The following FAHD2A variants were observed in gnomAD, a reference collection of about 807,000 sequenced individuals.
FAHD2A encodes the protein oxaloacetate tautomerase FAHD2A, mitochondrial.
Under a neutral mutation model 33.4 loss-of-function variants are expected in FAHD2A, and 27 were observed. That is an observed-to-expected ratio of 0.81 (90% CI 0.60 to 1.11). FAHD2A has a LOEUF of 1.11. Ranked by LOEUF, FAHD2A falls within the 50% of genes most tolerant of loss-of-function variation. The probability of loss-of-function intolerance (pLI) is 0.00; values close to 1 mark genes in which losing one functional copy is unlikely to be tolerated. For missense variants in FAHD2A, 296 were observed against 395.0 expected, an observed-to-expected ratio of 0.75 and a Z score of 2.12; for synonymous variants, 130 against 153.3, an observed-to-expected ratio of 0.85 and a Z score of 1.12.
Position 95,414,056 on chromosome 2 carries a change from C to T in FAHD2A, c.*1099C>T, listed in dbSNP as rs879792017. ...AAGTGAAGGCTCTAGGTAGGGAGGA[C>T]AGGGAGACACTGGGCACAGGCTTCT... On this transcript the variant is annotated 3_prime_UTR_variant, in exon 8 of 8. Coordinates refer to ENST00000233379, the MANE Select transcript of FAHD2A (RefSeq NM_016044.3). 1.6e-5 allele frequency: 23 copies of T among 1,419,940 alleles called. No homozygotes were observed. The highest frequency in any genetic ancestry group is 2.3e-5 in the Non-Finnish European group (23 of 1,006,426). The allele number at this position is 1,419,940 out of a possible 1,614,324, so 88.0% of individuals were successfully genotyped here.
chr2:95,408,699 C>T (rs1478298733), intron 3 of FAHD2A, among the ~76,000 whole-genome samples: 2 of 152,178 alleles, frequency 1.3e-5, no homozygotes, highest in Non-Finnish European at 2.9e-5. Flanking sequence ...GGGTCCGTCC[C>T]ATAGCACGTT....
chr2:95,405,430 G>C lies in FAHD2A; in HGVS notation c.-6-123G>C, dbSNP rs551944521. ...AAAATACAAGCCTGGACCACTTCCC[G>C]TGTGGTATGCAGGGAACGGTTGATG... On this transcript the variant is annotated intron_variant, in intron 1 of 7. Coordinates refer to ENST00000233379, the MANE Select transcript of FAHD2A (RefSeq NM_016044.3). 7 of 1,417,712 alleles carry C rather than the reference G, an allele frequency of 4.9e-6. No homozygotes were observed. In the East Asian group the frequency reaches 1.2e-4, roughly 23 times the overall value. 87.8% of individuals were successfully genotyped at this position (1,417,712 alleles called of 1,614,324 possible).
intron 5 of FAHD2A, 88 bp downstream of exon 5, chr2:95,411,114 C>T: frequency 1.3e-6 from 2 of 1,555,950 alleles, no homozygotes; most frequent in Non-Finnish European, 1.7e-6. Context: ...GTACATGTGG[C>T]ACCTGCCCTC....
At chr2:95,416,686 A>G (rs1226119095), downstream of FAHD2A, 1 of 152,252 alleles carries the variant, frequency 6.6e-6, no homozygotes, top group African/African-American at 2.4e-5. Flanking sequence ...ACCCAATAAA[A>G]GCTGTTGAAA....
In FAHD2A at chr2:95,413,148, TTGTC is replaced by T. The variant is rs1682808730; in HGVS notation, c.*193_*196del. On this transcript the variant is annotated 3_prime_UTR_variant, in exon 8 of 8. Coordinates refer to ENST00000233379, the MANE Select transcript of FAHD2A (RefSeq NM_016044.3). ...AAAGCAGCAGCTTTGCTTCTGCTGT[TTGTC>T]TTCTTTTGGGCTTTGTTTCATGGGA... The T allele has an allele frequency of 9.3e-7, 1 of 1,079,970 alleles. No individual in the cohort carries two copies. The highest frequency in any genetic ancestry group is 1.3e-6 in the Non-Finnish European group (1 of 761,094). The allele number at this position is 1,079,970 out of a possible 1,614,324, so 66.9% of individuals were successfully genotyped here. A position where few individuals can be genotyped will look rare whatever the true frequency, so the allele number is the denominator to read the frequency against.
rs1683094690 is a variant in FAHD2A at position 95,415,732 on chromosome 2, A to G, written c.*2775A>G. ...ACCAAGGAGCTGCGAGCTTACCTCA[A>G]CTCATCTCACCTCACCATGCCGGCT... is the stretch of plus-strand genomic sequence containing the variant. On this transcript the variant is annotated 3_prime_UTR_variant, in exon 8 of 8. Coordinates refer to ENST00000233379, the MANE Select transcript of FAHD2A (RefSeq NM_016044.3). 6.6e-6 allele frequency: 1 copy of G among 152,248 alleles called. No individual in the cohort carries two copies. The highest frequency in any genetic ancestry group is 2.1e-4 in the South Asian group (1 of 4,794). The allele number at this position is 152,248 out of a possible 1,614,324, so 9.4% of individuals were successfully genotyped here.
chr2:95,408,136 G>A (rs1360985403), intron 3 of FAHD2A, among the ~76,000 whole-genome samples: 1 of 144,204 alleles, frequency 6.9e-6, no homozygotes, highest in Non-Finnish European at 1.5e-5. Flanking sequence ...AACGTAAATA[G>A]GCATCTTCTA....
chr2:95,407,242 C>T, intron 3 of FAHD2A, 85 bp downstream of exon 3: 3 of 1,549,718 alleles, frequency 1.9e-6, no homozygotes, highest in Admixed American at 1.8e-5. Context: ...CTGGAGCCAC[C>T]TCTCGCTCAA....
rs979067543 is a variant in FAHD2A, at chr2:95,405,626, C to T, written c.68C>T (p.Pro23Leu). ...LLQAQKWPFQ[P>L]SRDMRLVQFR... The stretch of plus-strand genomic sequence containing the variant: ...CAGGCTCAGAAGTGGCCCTTTCAAC[C>T]CTCCAGAGACATGAGACTAGTGCAG... Residue 23 changes from proline to leucine, a missense_variant, in exon 2 of 8, where the codon CCC becomes CTC. By Grantham distance (98) the Pro-to-Leu change is moderately conservative. Transcript: ENST00000233379. The T allele has an allele frequency of 6.2e-6, 10 of 1,613,982 alleles. No individual in the cohort carries two copies. The African/African-American group carries it at 9.3e-5, about 15-fold the overall frequency.
Position 95,416,306 on chromosome 2 carries a change from C to G in FAHD2A, c.*3349C>G, listed in dbSNP as rs13015098. On this transcript the variant is annotated 3_prime_UTR_variant, in exon 8 of 8. Coordinates refer to ENST00000233379, the MANE Select transcript of FAHD2A (RefSeq NM_016044.3). ...AAATGAGTCCATATGCAGTGAGTAC[C>G]GTGTTGAGGGAGGACAAGGTCACCA... 1 of 152,288 alleles carries G rather than the reference C, an allele frequency of 6.6e-6. No homozygotes were observed. Among genetic ancestry groups the G allele is most frequent in the African/African-American group, 2.4e-5 (1 of 41,440 alleles). 9.4% of individuals were successfully genotyped at this position (152,288 alleles called of 1,614,324 possible).
Position 95,413,296 on chromosome 2 carries a change from AAAG to A in FAHD2A, c.*343_*345del, listed in dbSNP as rs553545425. 2 of 1,421,166 alleles carry A rather than the reference AAAG, an allele frequency of 1.4e-6. No homozygotes were observed. The highest frequency in any genetic ancestry group is 2.5e-5 in the East Asian group (1 of 40,100). The allele number at this position is 1,421,166 out of a possible 1,614,324, so 88.0% of individuals were successfully genotyped here. On this transcript the variant is annotated 3_prime_UTR_variant, in exon 8 of 8. Transcript: ENST00000233379. ...GTGTCGTCCCCTTGTTTATCACATC[AAAG>A]AAGGGAAAAAGCAAGAGATGGCAAG... is the stretch of plus-strand genomic sequence containing the variant.
chr2:95,418,521 CAGAGA>C (rs1165362246), downstream of FAHD2A, among the ~76,000 whole-genome samples: 1 of 151,800 alleles, frequency 6.6e-6, no homozygotes, highest in Non-Finnish European at 1.5e-5. Flanking sequence ...AAGAAAAAGT[CAGAGA>C]AGAGGGCATA....
At chr2:95,417,265 C>G (rs184379883), downstream of FAHD2A, among the ~76,000 whole-genome samples, 529 of 152,296 alleles carry the variant, frequency 3.5e-3, 3 homozygotes, top group Non-Finnish European at 4.4e-3. Flanking sequence ...AAACATCACC[C>G]TTAGGATGCT....
At position 95,414,949 on chromosome 2, in the gene FAHD2A, T is replaced by G. The variant is rs1030166437; in HGVS notation, c.*1992T>G. ...AAAACCAATAACTCAGTAAGCAGATTAAACAAAGGTAGAGACGGAGCCCTC... is the reference window on the plus strand; with the variant it reads ...AAAACCAATAACTCAGTAAGCAGATGAAACAAAGGTAGAGACGGAGCCCTC... On this transcript the variant is annotated 3_prime_UTR_variant, in exon 8 of 8. Coordinates refer to ENST00000233379, the MANE Select transcript of FAHD2A (RefSeq NM_016044.3). 6.6e-6 allele frequency: 1 copy of G among 152,036 alleles called. No individual in the cohort carries two copies. The highest frequency in any genetic ancestry group is 1.5e-5 in the Non-Finnish European group (1 of 68,108). The allele number at this position is 152,036 out of a possible 1,614,324, so 9.4% of individuals were successfully genotyped here. A position where few individuals can be genotyped will look rare whatever the true frequency, so the allele number is the denominator to read the frequency against.
intron 2 of FAHD2A, 121 bp from the exon 3 acceptor site, chr2:95,406,820 A>G (rs1681641540): frequency 6.9e-7 from 1 of 1,453,776 alleles, no homozygotes; most frequent in African/African-American, 1.4e-5. Flanking sequence ...CTGATGGTTG[A>G]TAGAGCTAGG....
chr2:95,409,526 C>T (rs1447234903), intron 3 of FAHD2A, among the ~76,000 whole-genome samples: 2 of 152,176 alleles, frequency 1.3e-5, no homozygotes, highest in Non-Finnish European at 2.9e-5. Flanking sequence ...CTAGGCTGGT[C>T]TTGAACTCCT....
At chr2:95,417,835 C>A (rs1472930084), downstream of FAHD2A, among the ~76,000 whole-genome samples, 3 of 152,098 alleles carry the variant, frequency 2.0e-5, no homozygotes, top group Non-Finnish European at 4.4e-5. Flanking sequence ...ATCATGAGGG[C>A]TCCATCCCCA....
At chr2:95,417,948 C>CAAAT (rs34224223), downstream of FAHD2A, among the ~76,000 whole-genome samples, 48 of 152,206 alleles carry the variant, frequency 3.2e-4, no homozygotes, top group East Asian at 7.9e-3. Flanking sequence ...GTCCACAAAA[C>CAAAT]AAATACCCCT....
At chr2:95,420,908 T>C (rs115887820), downstream of FAHD2A, among the ~76,000 whole-genome samples, 826 of 152,124 alleles carry the variant, frequency 5.4e-3, 9 homozygotes, top group African/African-American at 0.019. Context: ...AACACTTTCC[T>C]TAACCTTTTC....
Sources: gnomAD v4.1 joint callset for allele counts (sites outside exome capture counted in the v4.1 genomes callset) on GRCh38, gnomAD v4.1.1 for gene constraint, MANE v1.5 for transcripts, NCBI Gene and HGNC (gene_info 2026-07-23, HGNC 2026-07-21) for gene names.